Variants in MRPL1 observed in about 807,000 individuals in gnomAD.
MRPL1 encodes the protein large ribosomal subunit protein uL1m.
Under a neutral mutation model 38.0 loss-of-function variants are expected in MRPL1, and 28 were observed. The ratio of observed to expected loss-of-function variants is 0.74; its 90% CI spans 0.55 to 1.01. MRPL1 has a LOEUF of 1.01. Among genes scored for constraint, MRPL1 ranks in the 50% least tolerant of loss-of-function variants. The pLI is 0.00. For missense variants in MRPL1, 358 were observed against 389.8 expected (o/e 0.92, Z 0.69); for synonymous variants, 123 against 126.7 (o/e 0.97, Z 0.20).
intron 7 of MRPL1, among the ~76,000 whole-genome samples, chr4:77,921,571 G>A (rs1457924184): frequency 6.6e-6 from 1 of 152,104 alleles, no homozygotes; most frequent in African/African-American, 2.4e-5. Flanking sequence ...TATTTCTTCT[G>A]GGTGTTAGAA....
chr4:77,880,470 TTTAACC>T (rs1735512919), intron 2 of MRPL1, among the ~76,000 whole-genome samples: 2 of 151,940 alleles, frequency 1.3e-5, no homozygotes, highest in South Asian at 2.1e-4. Flanking sequence ...TCTCAAGGTC[TTTAACC>T]TTATCTCGTC....
chr4:77,948,209 CG>C (rs757224403), intron 7 of MRPL1, among the ~76,000 whole-genome samples: 55 of 151,992 alleles, frequency 3.6e-4, no homozygotes, highest in East Asian at 2.1e-3. Flanking sequence ...AGGTCTTTAG[CG>C]GGGGGTGTAG....
chr4:77,869,821 C>T (rs1024836129), intron 1 of MRPL1, among the ~76,000 whole-genome samples: 8 of 152,030 alleles, frequency 5.3e-5, no homozygotes, highest in Admixed American at 5.2e-4. Context: ...AAACTCCTGA[C>T]CTCAGGTGAT....
At chr4:77,921,457 C>A (rs1736574722) in intron 7 of MRPL1, among the ~76,000 whole-genome samples, 1 of 152,036 alleles carries the variant, frequency 6.6e-6, no homozygotes, top group South Asian at 2.1e-4. Flanking sequence ...AATAAGAGAA[C>A]AAGTTATGAA....
At chr4:77,924,585 T>G (rs1324372341) in intron 7 of MRPL1, among the ~76,000 whole-genome samples, 1 of 152,086 alleles carries the variant, frequency 6.6e-6, no homozygotes, top group Admixed American at 6.6e-5. Flanking sequence ...TTGATTACAT[T>G]TTTTTTCATA....
At chr4:77,936,157 T>C (rs1451433331) in intron 7 of MRPL1, among the ~76,000 whole-genome samples, 1 of 145,574 alleles carries the variant, frequency 6.9e-6, no homozygotes, top group Non-Finnish European at 1.5e-5. Context: ...CTGCTCTTTC[T>C]GTATGGACGT....
chr4:77,917,057 A>G (rs1478393979), intron 7 of MRPL1, among the ~76,000 whole-genome samples: 4 of 152,182 alleles, frequency 2.6e-5, no homozygotes, highest in Non-Finnish European at 5.9e-5. Flanking sequence ...CAGCTTAAAA[A>G]TTTCAGTGTG....
chr4:77,905,496 C>CAAAAAAAAAA (rs374398968), intron 6 of MRPL1, among the ~76,000 whole-genome samples: 23 of 63,352 alleles, frequency 3.6e-4, no homozygotes, highest in East Asian at 6.0e-4. Flanking sequence ...GACTCCGTCT[C>CAAAAAAAAAA]AAAAAAAAAA....
chr4:77,869,958 C>A (rs1735237519), intron 1 of MRPL1, among the ~76,000 whole-genome samples: 3 of 152,120 alleles, frequency 2.0e-5, no homozygotes, highest in Non-Finnish European at 4.4e-5. Context: ...TCAGAACTCA[C>A]TGCAGCCTCA....
At chr4:77,948,670 G>C (rs965782969) in intron 7 of MRPL1, among the ~76,000 whole-genome samples, 1 of 152,156 alleles carries the variant, frequency 6.6e-6, no homozygotes, top group Non-Finnish European at 1.5e-5. Flanking sequence ...AGTGCTCTCA[G>C]AGTCTTTGGA....
intron 5 of MRPL1, among the ~76,000 whole-genome samples, chr4:77,893,643 A>C (rs1031066995): frequency 5.3e-5 from 8 of 152,162 alleles, no homozygotes; most frequent in African/African-American, 1.9e-4. Context: ...GTGGTAAGGA[A>C]AATTTCAGTT....
At chr4:77,923,380 G>A (rs1736625585) in intron 7 of MRPL1, among the ~76,000 whole-genome samples, 1 of 152,020 alleles carries the variant, frequency 6.6e-6, no homozygotes, top group African/African-American at 2.4e-5. Context: ...ACAGATGTGA[G>A]CCACTGTGCC....
intron 7 of MRPL1, among the ~76,000 whole-genome samples, chr4:77,938,409 C>G (rs2174080): frequency 1.3e-5 from 2 of 151,996 alleles, no homozygotes; most frequent in African/African-American, 4.8e-5. Flanking sequence ...TTTTCTAAGA[C>G]CTTTACCTTT....
intron 7 of MRPL1, among the ~76,000 whole-genome samples, chr4:77,913,057 A>G (rs1038921320): frequency 6.6e-6 from 1 of 152,136 alleles, no homozygotes; most frequent in Non-Finnish European, 1.5e-5. Flanking sequence ...AAATGAATCA[A>G]AGACCTAAAT....
chr4:77,948,937 A>G (rs1181648327), intron 7 of MRPL1, among the ~76,000 whole-genome samples: 1 of 151,958 alleles, frequency 6.6e-6, no homozygotes, highest in Non-Finnish European at 1.5e-5. Context: ...CACTTGGCTA[A>G]TTTTTGTATT....
intron 1 of MRPL1, among the ~76,000 whole-genome samples, chr4:77,870,999 CAAAT>C (rs1176789091): frequency 6.6e-6 from 1 of 151,956 alleles, no homozygotes; most frequent in Non-Finnish European, 1.5e-5. Context: ...TAAAAATGAA[CAAAT>C]AAATTAAGAA....
chr4:77,928,460 C>CT (rs992654855), intron 7 of MRPL1, among the ~76,000 whole-genome samples: 1 of 152,216 alleles, frequency 6.6e-6, no homozygotes, highest in African/African-American at 2.4e-5. Flanking sequence ...TCCCTTCCTC[C>CT]TTTTCCCTTA....
At chr4:77,863,079 T>G in intron 1 of MRPL1, 200 bp downstream of exon 1, 1 of 627,544 alleles carries the variant, frequency 1.6e-6, no homozygotes, top group South Asian at 2.2e-5. Flanking sequence ...ACGTCCACCC[T>G]GAGGGAGGGA....
intron 7 of MRPL1, among the ~76,000 whole-genome samples, chr4:77,926,613 T>TC (rs1420968778): frequency 4.6e-5 from 1 of 21,644 alleles, no homozygotes; most frequent in Non-Finnish European, 9.1e-5. Context: ...TCTTTTTTAC[T>TC]TTTTTTTTTT....
Sources: gnomAD v4.1 joint callset for allele counts (sites outside exome capture counted in the v4.1 genomes callset) on GRCh38, gnomAD v4.1.1 for gene constraint, MANE v1.5 for transcripts, NCBI Gene and HGNC (gene_info 2026-07-23, HGNC 2026-07-21) for gene names.